Variants in MYCBP2 observed in about 807,000 individuals in gnomAD.
The protein encoded by MYCBP2 is E3 ubiquitin-protein ligase MYCBP2.
In MYCBP2, 120 loss-of-function variants were observed where a neutral mutation model predicts 525.3. The ratio of observed to expected loss-of-function variants is 0.23; its 90% CI spans 0.20 to 0.27. MYCBP2 has a LOEUF of 0.27. MYCBP2 is among the 10% of genes least tolerant of loss of function. The pLI is 1.00. For synonymous variants in MYCBP2, 1,894 were observed against 1,955.8 expected, an observed-to-expected ratio of 0.97 and a Z score of 0.83; for missense variants, 4,149 against 5,657.1, an observed-to-expected ratio of 0.73 and a Z score of 8.55.
intron 55 of MYCBP2, among the ~76,000 whole-genome samples, chr13:77,106,576 AAATG>A (rs1213992783): frequency 1.3e-5 from 2 of 152,164 alleles, no homozygotes; most frequent in Non-Finnish European, 2.9e-5. Flanking sequence ...GGGATGCTAC[AAATG>A]AAGACAGCAA....
chr13:77,093,543 T>C (rs1296604934), intron 58 of MYCBP2, among the ~76,000 whole-genome samples: 3 of 152,192 alleles, frequency 2.0e-5, no homozygotes, highest in African/African-American at 4.8e-5. Context: ...AAATCCAAAA[T>C]TGAACTCAGT....
At chr13:77,271,080 C>A (rs745886788) in intron 5 of MYCBP2, among the ~76,000 whole-genome samples, 2 of 151,962 alleles carry the variant, frequency 1.3e-5, no homozygotes, top group Non-Finnish European at 2.9e-5. Context: ...TATATTCTCA[C>A]TACTTAATCA....
intron 43 of MYCBP2, among the ~76,000 whole-genome samples, chr13:77,162,630 A>G (rs1198688797): frequency 1.3e-5 from 2 of 152,178 alleles, no homozygotes; most frequent in Admixed American, 6.5e-5. Context: ...CCAAAAAGGT[A>G]TATGTGTTTC....
chr13:77,317,600 G>T (rs1157693215), intron 1 of MYCBP2, among the ~76,000 whole-genome samples: 2 of 152,180 alleles, frequency 1.3e-5, no homozygotes, highest in Non-Finnish European at 2.9e-5. Flanking sequence ...ATCAGCTTCT[G>T]GACGGTGTGG....
At chr13:77,192,925 T>C (rs2061418816) in intron 27 of MYCBP2, among the ~76,000 whole-genome samples, 1 of 152,052 alleles carries the variant, frequency 6.6e-6, no homozygotes, top group African/African-American at 2.4e-5. Flanking sequence ...GGTCAGGAGT[T>C]CAAGGCCAGC....
intron 67 of MYCBP2, 60 bp downstream of exon 67, chr13:77,077,088 C>T: frequency 6.5e-7 from 1 of 1,546,558 alleles, no homozygotes; most frequent in East Asian, 2.3e-5. Context: ...TATTTTGTTA[C>T]ACTCTTAAAA....
At chr13:77,224,896 G>C (rs1005824376) in intron 19 of MYCBP2, among the ~76,000 whole-genome samples, 1 of 151,856 alleles carries the variant, frequency 6.6e-6, no homozygotes, top group Non-Finnish European at 1.5e-5. Flanking sequence ...GCACAATTAC[G>C]TACAACATCA....
chr13:77,133,081 T>C (rs948991038), intron 52 of MYCBP2, among the ~76,000 whole-genome samples: 4 of 152,174 alleles, frequency 2.6e-5, no homozygotes, highest in African/African-American at 9.6e-5. Context: ...ATTACAGCTA[T>C]AGTTGCTTCA....
intron 4 of MYCBP2, 98 bp from the exon 5 acceptor site, chr13:77,273,766 T>C (rs1478518632): frequency 1.1e-6 from 1 of 928,260 alleles, no homozygotes; most frequent in East Asian, 3.1e-5. Context: ...TAAACGAAAT[T>C]TAAGGAATCT....
chr13:77,174,556 G>C, intron 36 of MYCBP2, 67 bp from the exon 37 acceptor site: 1 of 1,265,888 alleles, frequency 7.9e-7, no homozygotes, highest in Non-Finnish European at 1.1e-6. Context: ...AAGAACTCTA[G>C]CAGTAAAATA....
intron 55 of MYCBP2, among the ~76,000 whole-genome samples, chr13:77,120,887 C>A (rs544985922): frequency 1.3e-5 from 2 of 152,104 alleles, no homozygotes; most frequent in South Asian, 4.2e-4. Context: ...TCACATAATT[C>A]TAAATTAACT....
intron 23 of MYCBP2, among the ~76,000 whole-genome samples, chr13:77,208,775 G>C (rs1298730632): frequency 6.6e-6 from 1 of 152,082 alleles, no homozygotes; most frequent in East Asian, 1.9e-4. Context: ...TTTCCTGTAT[G>C]TATTTTTGCT....
In MYCBP2 at chr13:77,156,178, C is replaced by T. The variant is rs546387668; in HGVS notation, c.6795G>A (p.Ala2265=). ...GGATCAAAGATGTTTTCTGAGGATC[C>T]GCATATGAATCTGGCTGAAGCCACC... ...LARWLQPDSY[A]DPQKTSLILN... is the part of the protein sequence containing the mutation. The change falls in exon 46 of 83, where the codon GCG becomes GCA. Residue 2265 remains alanine, a synonymous_variant. Coordinates refer to ENST00000544440, the MANE Select transcript of MYCBP2 (RefSeq NM_015057.5). 8.1e-6 allele frequency: 13 copies of T among 1,613,254 alleles called. No individual in the cohort carries two copies. The highest frequency in any genetic ancestry group is 7.7e-5 in the South Asian group (7 of 90,966).
At position 77,191,804 on chromosome 13, in the gene MYCBP2, A is replaced by G; in HGVS notation, c.3945T>C (p.Tyr1315=). The change falls in exon 28 of 83, where the codon TAT becomes TAC. Residue 1315 remains tyrosine (Y), a synonymous_variant. Transcript: ENST00000544440. The part of the protein sequence containing the change: ...LAYDCAAREK[Y]AMMFDEPVLL... ...GAACAGGCTCATCAAACATCATTGC[A>G]TATTTTTCTCTGAGAAAAAATTAGT... The G allele has an allele frequency of 6.2e-7, 1 of 1,613,812 alleles. No individual in the cohort carries two copies. The highest frequency in any genetic ancestry group is 8.5e-7 in the Non-Finnish European group (1 of 1,179,866).
rs760871184 is a variant in MYCBP2 at position 77,156,208 on chromosome 13, A to G, written c.6771-6T>C. On this transcript the variant is annotated splice_region_variant and splice_polypyrimidine_tract_variant and intron_variant, in intron 45 of 82. Coordinates refer to ENST00000544440, the MANE Select transcript of MYCBP2 (RefSeq NM_015057.5). ...ATGAATCTGGCTGAAGCCACCTAACAGTAATGAAAAACAAATAAACAAAAC... is the reference window on the plus strand; with the variant it reads ...ATGAATCTGGCTGAAGCCACCTAACGGTAATGAAAAACAAATAAACAAAAC... The G allele has an allele frequency of 1.9e-6, 3 of 1,608,796 alleles. No homozygotes were observed. The highest frequency in any genetic ancestry group is 2.6e-6 in the Non-Finnish European group (3 of 1,176,288).
chr13:77,138,624 T>C (rs890480703), intron 52 of MYCBP2, among the ~76,000 whole-genome samples: 7 of 152,212 alleles, frequency 4.6e-5, no homozygotes, highest in African/African-American at 7.2e-5. Flanking sequence ...TTGTGAACAC[T>C]GGCTCTATTC....
rs776949089 is a variant in MYCBP2 at position 77,076,707 on chromosome 13, GAAT to G, written c.11823+41_11823+43del. On this transcript the variant is annotated intron_variant, in intron 68 of 82. Transcript: ENST00000544440. ...AAATGAATTATTTCACTGAAAAAAA[GAAT>G]AAAAAAGGGAAATAAATATCTTTAG... The G allele has an allele frequency of 8.3e-6, 10 of 1,208,066 alleles. No individual in the cohort carries two copies. The African/African-American group carries it at 1.1e-4, about 13-fold the overall frequency. The allele number at this position is 1,208,066 out of a possible 1,614,324, so 74.8% of individuals were successfully genotyped here.
chr13:77,140,125 G>A lies in MYCBP2; in HGVS notation c.7440C>T (p.Arg2480=). The A allele has an allele frequency of 6.2e-7, 1 of 1,613,240 alleles. No individual in the cohort carries two copies. Among genetic ancestry groups the A allele is most frequent in the African/African-American group, 1.3e-5 (1 of 75,040 alleles). ...TCTGAAGGGAAGGGTGGCTACGGAT[G>A]CGAAGCCCCGCACTGTCCTTGGCCA... is the stretch of plus-strand genomic sequence containing the variant. ...KFVAKDSAGL[R]IRSHPSLQSE... Residue 2480 remains arginine, a synonymous_variant, in exon 51 of 83, where the codon CGC becomes CGT. Transcript: ENST00000544440.
chr13:77,066,792 A>C (rs1202628577), intron 71 of MYCBP2, among the ~76,000 whole-genome samples: 7 of 152,208 alleles, frequency 4.6e-5, no homozygotes, highest in Admixed American at 4.6e-4. Context: ...ATTTTAATCT[A>C]CATTTCTCTG....
Sources: gnomAD v4.1 joint callset for allele counts (sites outside exome capture counted in the v4.1 genomes callset) on GRCh38, gnomAD v4.1.1 for gene constraint, MANE v1.5 for transcripts, NCBI Gene and HGNC (gene_info 2026-07-23, HGNC 2026-07-21) for gene names.